Variants in UBE3D observed in about 807,000 individuals in gnomAD.
UBE3D encodes E3 ubiquitin-protein ligase E3D.
UBE3D carries 48 observed loss-of-function variants against 49.6 expected under a neutral mutation model. The observed-to-expected ratio is 0.97, with a 90% CI of 0.77 to 1.23. The LOEUF (loss-of-function observed/expected upper bound fraction) is 1.23. UBE3D is among the 50% of genes most tolerant of loss of function. UBE3D has a pLI of 0.00. For missense variants in UBE3D, 452 were observed against 468.4 expected (o/e 0.96, Z 0.32); for synonymous variants, 189 against 174.2 (o/e 1.08, Z -0.67).
At chr6:82,945,206 G>A (rs1311012185) in intron 9 of UBE3D, among the ~76,000 whole-genome samples, 3 of 152,236 alleles carry the variant, frequency 2.0e-5, no homozygotes, top group Non-Finnish European at 2.9e-5. Context: ...CAGTCTTTGT[G>A]ATGGTGGCCA....
chr6:82,990,157 T>C (rs1778786679), intron 8 of UBE3D, among the ~76,000 whole-genome samples: 4 of 152,168 alleles, frequency 2.6e-5, no homozygotes, highest in Admixed American at 2.6e-4. Flanking sequence ...GTGGCTCTGG[T>C]TTAGAATCCC....
intron 8 of UBE3D, among the ~76,000 whole-genome samples, chr6:82,963,082 C>T (rs1457647163): frequency 6.6e-6 from 1 of 151,686 alleles, no homozygotes; most frequent in Admixed American, 6.6e-5. Context: ...TCACAGGAAG[C>T]ATTCATACAT....
At chr6:82,956,586 T>C (rs1347373825) in intron 9 of UBE3D, among the ~76,000 whole-genome samples, 1 of 152,130 alleles carries the variant, frequency 6.6e-6, no homozygotes, top group Non-Finnish European at 1.5e-5. Context: ...CTGTTAAACA[T>C]CCATTTGGCA....
At chr6:83,006,149 T>C (rs1190757212) in intron 8 of UBE3D, among the ~76,000 whole-genome samples, 3 of 152,042 alleles carry the variant, frequency 2.0e-5, no homozygotes, top group African/African-American at 4.8e-5. Context: ...CACTTGAACT[T>C]GGGAGGCAGA....
chr6:82,944,704 G>A (rs915380824), intron 9 of UBE3D, among the ~76,000 whole-genome samples: 12 of 152,184 alleles, frequency 7.9e-5, no homozygotes, highest in African/African-American at 2.2e-4. Flanking sequence ...AGCATTTCTC[G>A]ATCTGTCCTG....
intron 9 of UBE3D, among the ~76,000 whole-genome samples, chr6:82,917,308 C>A (rs950744367): frequency 1.3e-5 from 2 of 152,010 alleles, no homozygotes; most frequent in African/African-American, 4.8e-5. Flanking sequence ...GAGGGGGAAG[C>A]CCCTGAGAAA....
chr6:83,035,862 C>G (rs1782209858), intron 5 of UBE3D, among the ~76,000 whole-genome samples: 1 of 152,038 alleles, frequency 6.6e-6, no homozygotes. Flanking sequence ...GTTGGTTGTC[C>G]TGAAAGGCTC....
chr6:82,926,191 GA>G (rs1773737502), intron 9 of UBE3D, among the ~76,000 whole-genome samples: 3 of 152,134 alleles, frequency 2.0e-5, no homozygotes, highest in Non-Finnish European at 2.9e-5. Context: ...AAGTGAAAAA[GA>G]ATGTCATATA....
At chr6:82,933,567 C>T (rs1323197769) in intron 9 of UBE3D, among the ~76,000 whole-genome samples, 1 of 152,198 alleles carries the variant, frequency 6.6e-6, no homozygotes, top group African/African-American at 2.4e-5. Context: ...ACATCCTTGA[C>T]TCCATAGGTA....
At chr6:82,925,617 T>C (rs977731897) in intron 9 of UBE3D, among the ~76,000 whole-genome samples, 4 of 152,128 alleles carry the variant, frequency 2.6e-5, no homozygotes, top group African/African-American at 9.7e-5. Context: ...AATGTAGTGA[T>C]ATTTTCCTAA....
intron 9 of UBE3D, among the ~76,000 whole-genome samples, chr6:82,930,323 G>A (rs1038242876): frequency 2.0e-5 from 3 of 152,230 alleles, no homozygotes; most frequent in African/African-American, 2.4e-5. Flanking sequence ...TATTAGCAGC[G>A]TGAGAATGAA....
At chr6:83,037,808 G>C (rs193265721) in intron 5 of UBE3D, 151 of 152,226 alleles carry the variant, frequency 9.9e-4, no homozygotes, top group African/African-American at 3.5e-3. Context: ...TAGTATAACA[G>C]AGTTTACATA....
intron 7 of UBE3D, among the ~76,000 whole-genome samples, chr6:83,021,264 G>A (rs1353792568): frequency 6.6e-6 from 1 of 152,052 alleles, no homozygotes; most frequent in Non-Finnish European, 1.5e-5. Context: ...AACATAGCAA[G>A]ACCTCGTCTT....
intron 9 of UBE3D, among the ~76,000 whole-genome samples, chr6:82,913,265 G>A (rs996958382): frequency 2.0e-5 from 3 of 152,156 alleles, no homozygotes; most frequent in Non-Finnish European, 4.4e-5. Context: ...CTGTACTGTT[G>A]CAAGGTTGAC....
chr6:82,988,227 T>C (rs926655097), intron 8 of UBE3D, among the ~76,000 whole-genome samples: 3 of 152,182 alleles, frequency 2.0e-5, no homozygotes, highest in Admixed American at 1.3e-4. Context: ...TAGAGGAAGC[T>C]TCGACTGTGT....
At chr6:83,024,304 C>T (rs558397273) in intron 5 of UBE3D, among the ~76,000 whole-genome samples, 121 of 152,230 alleles carry the variant, frequency 7.9e-4, no homozygotes, top group Non-Finnish European at 1.3e-3. Flanking sequence ...AAAAGTTAGT[C>T]ACATCACAGG....
intron 5 of UBE3D, among the ~76,000 whole-genome samples, chr6:83,028,279 C>T (rs1781623603): frequency 1.3e-5 from 2 of 152,058 alleles, no homozygotes; most frequent in Non-Finnish European, 2.9e-5. Context: ...TACTTGTGTG[C>T]CTATTTATCT....
chr6:82,993,947 TA>T (rs1462427935), intron 8 of UBE3D, among the ~76,000 whole-genome samples: 1 of 152,204 alleles, frequency 6.6e-6, no homozygotes, highest in East Asian at 1.9e-4. Flanking sequence ...TTCATTAATC[TA>T]GAAACAAACT....
At chr6:83,021,250 G>A (rs1006079252) in intron 7 of UBE3D, among the ~76,000 whole-genome samples, 20 of 152,002 alleles carry the variant, frequency 1.3e-4, no homozygotes, top group African/African-American at 4.8e-4. Context: ...AGACCAACCT[G>A]GGCAACATAG....
Sources: gnomAD v4.1 joint callset for allele counts (sites outside exome capture counted in the v4.1 genomes callset) on GRCh38, gnomAD v4.1.1 for gene constraint, MANE v1.5 for transcripts, NCBI Gene and HGNC (gene_info 2026-07-23, HGNC 2026-07-21) for gene names.